Variants in MYO3A observed in about 807,000 individuals in gnomAD.
MYO3A encodes the protein myosin-IIIa.
Under a neutral mutation model 192.7 loss-of-function variants are expected in MYO3A, and 180 were observed. The ratio of observed to expected loss-of-function variants is 0.93; its 90% CI spans 0.83 to 1.06. The LOEUF (loss-of-function observed/expected upper bound fraction) is 1.06. Ranked by LOEUF, MYO3A falls within the 50% of genes least tolerant of loss-of-function variation. The pLI is 0.00. For synonymous variants in MYO3A, 628 were observed against 645.3 expected (o/e 0.97, Z 0.41); for missense variants, 1,896 against 1,905.0 (o/e 1.00, Z 0.09).
At chr10:26,093,043 TTGTC>T (rs1836791337) in intron 15 of MYO3A, among the ~76,000 whole-genome samples, 1 of 152,238 alleles carries the variant, frequency 6.6e-6, no homozygotes, top group Non-Finnish European at 1.5e-5. Context: ...TTAATATTGT[TTGTC>T]TAAGTTTTAA....
At chr10:26,140,693 A>AG (rs1363929025) in intron 20 of MYO3A, among the ~76,000 whole-genome samples, 2 of 151,900 alleles carry the variant, frequency 1.3e-5, no homozygotes, top group African/African-American at 4.8e-5. Context: ...TCAAAAAAAA[A>AG]AAAAAAGAAG....
At chr10:25,997,126 G>A (rs1361890916) in intron 5 of MYO3A, 33 bp from the exon 6 acceptor site, 29 of 1,543,848 alleles carry the variant, frequency 1.9e-5, no homozygotes, top group Non-Finnish European at 2.3e-5. Context: ...TGATGCTTTT[G>A]TTAAGAGTCA....
intron 4 of MYO3A, among the ~76,000 whole-genome samples, chr10:25,994,960 A>C (rs1373467225): frequency 6.6e-6 from 1 of 151,930 alleles, no homozygotes; most frequent in African/African-American, 2.4e-5. Context: ...CTTCATTTCA[A>C]CCTTGGTGAA....
intron 9 of MYO3A, among the ~76,000 whole-genome samples, chr10:26,025,007 TAGC>T (rs1199485171): frequency 6.6e-6 from 1 of 152,224 alleles, no homozygotes; most frequent in African/African-American, 2.4e-5. Flanking sequence ...CTCCAGTGTC[TAGC>T]AGAGTGCCTA....
chr10:26,168,667 ACAT>A (rs1841885617), intron 27 of MYO3A, 42 bp from the exon 28 acceptor site: 5 of 1,570,090 alleles, frequency 3.2e-6, no homozygotes, highest in Non-Finnish European at 2.6e-6. Flanking sequence ...TAACTGCTTC[ACAT>A]CTGTGTGCCA....
intron 15 of MYO3A, among the ~76,000 whole-genome samples, chr10:26,095,352 A>G (rs1453681415): frequency 6.6e-6 from 1 of 152,226 alleles, no homozygotes; most frequent in Non-Finnish European, 1.5e-5. Flanking sequence ...GTGATAATGG[A>G]GTGAACAGTG....
chr10:25,980,032 T>A (rs978355239), intron 4 of MYO3A, among the ~76,000 whole-genome samples: 2 of 152,026 alleles, frequency 1.3e-5, no homozygotes, highest in African/African-American at 4.8e-5. Context: ...GTCAGGAGAT[T>A]GAGACCATCC....
chr10:26,016,434 G>A (rs950429385), intron 6 of MYO3A, among the ~76,000 whole-genome samples: 3 of 152,172 alleles, frequency 2.0e-5, no homozygotes, highest in African/African-American at 7.2e-5. Flanking sequence ...AGTGGGCAGG[G>A]ACAGGAAGAG....
intron 34 of MYO3A, chr10:26,203,959 G>C (rs987191789): frequency 6.6e-6 from 1 of 152,186 alleles, no homozygotes; most frequent in Non-Finnish European, 1.5e-5. Context: ...ATCTGCAAAA[G>C]AATTTACTAA....
chr10:26,098,796 A>G (rs11014957), intron 17 of MYO3A, among the ~76,000 whole-genome samples: 106,586 of 152,004 alleles, frequency 0.7, 37,552 homozygotes, highest in Middle Eastern at 0.76. Context: ...CCAGTACCAT[A>G]CTGTTTTGGT....
At chr10:26,001,054 C>G (rs1388864736) in intron 6 of MYO3A, among the ~76,000 whole-genome samples, 1 of 152,144 alleles carries the variant, frequency 6.6e-6, no homozygotes, top group Non-Finnish European at 1.5e-5. Context: ...AAGGGGAAAT[C>G]TGCCCCCATG....
At chr10:25,947,766 T>A (rs1836949842) in intron 2 of MYO3A, among the ~76,000 whole-genome samples, 1 of 152,186 alleles carries the variant, frequency 6.6e-6, no homozygotes, top group African/African-American at 2.4e-5. Flanking sequence ...TTCTATGGAC[T>A]CTTTTATATT....
intron 4 of MYO3A, among the ~76,000 whole-genome samples, chr10:25,961,136 A>G (rs1268336549): frequency 6.6e-6 from 1 of 152,168 alleles, no homozygotes; most frequent in Non-Finnish European, 1.5e-5. Flanking sequence ...ATTTTCGATA[A>G]TGAATTTTTA....
chr10:26,005,316 A>C (rs1841118413), intron 6 of MYO3A, among the ~76,000 whole-genome samples: 3 of 152,164 alleles, frequency 2.0e-5, no homozygotes, highest in Non-Finnish European at 2.9e-5. Flanking sequence ...GAAATCTTAA[A>C]AAAAAATGTT....
chr10:25,983,737 A>G (rs1320436001), intron 4 of MYO3A, among the ~76,000 whole-genome samples: 3 of 152,338 alleles, frequency 2.0e-5, no homozygotes, highest in African/African-American at 7.2e-5. Context: ...TAGCAAATAC[A>G]TCCAAATACA....
intron 6 of MYO3A, among the ~76,000 whole-genome samples, chr10:26,009,691 C>G (rs576544621): frequency 6.6e-6 from 1 of 152,328 alleles, no homozygotes; most frequent in South Asian, 2.1e-4. Flanking sequence ...GTGTGCTTCT[C>G]TATGATGTGA....
At chr10:26,114,294 G>A (rs1838374987) in intron 17 of MYO3A, among the ~76,000 whole-genome samples, 1 of 152,166 alleles carries the variant, frequency 6.6e-6, no homozygotes, top group Non-Finnish European at 1.5e-5. Context: ...GCATCAGTTA[G>A]GCATCAGGTA....
chr10:26,120,697 A>G lies in MYO3A; in HGVS notation c.1798A>G (p.Ile600Val), dbSNP rs1838810307. 1.9e-6 allele frequency: 3 copies of G among 1,614,092 alleles called. No homozygotes were observed. The highest frequency in any genetic ancestry group is 1.7e-6 in the Non-Finnish European group (2 of 1,179,990). The change falls in exon 18 of 35, where the codon ATA (isoleucine) becomes GTA (valine). Residue 600 changes from isoleucine to valine, a missense_variant. Ile to Val is a conservative substitution (Grantham distance 29, BLOSUM62 3). Transcript: ENST00000642920. ...TMEQLGSIYS[I>V]LAAILNVGNI... Reference sequence around the variant, plus strand: ...TCAGCAACTTGGTAGTATATACAGCATACTCGCTGCAATCTTGAATGTTGG... The same window carrying G: ...TCAGCAACTTGGTAGTATATACAGCGTACTCGCTGCAATCTTGAATGTTGG...
intron 4 of MYO3A, among the ~76,000 whole-genome samples, chr10:25,984,147 A>G (rs896269041): frequency 2.0e-5 from 3 of 152,338 alleles, no homozygotes; most frequent in East Asian, 1.9e-4. Context: ...ATACAACAAA[A>G]TAAAATCTCC....
Sources: allele counts gnomAD v4.1 joint callset (sites outside exome capture counted in the v4.1 genomes callset), GRCh38; gene constraint gnomAD v4.1.1; transcripts MANE v1.5; gene names NCBI Gene and HGNC (gene_info 2026-07-23, HGNC 2026-07-21).